NRXN1: variants seen among roughly 807,000 people sequenced by gnomAD.
The protein encoded by NRXN1 is neurexin 1, also known as neurexin-1.
A neutral mutation model predicts 150.9 loss-of-function variants in NRXN1; 39 were observed. The observed-to-expected ratio is 0.26, with a 90% CI of 0.20 to 0.34. The LOEUF (loss-of-function observed/expected upper bound fraction) is 0.34, where lower values mean the gene tolerates loss of function less well. NRXN1 is among the 10% of genes least tolerant of loss of function. The probability of loss-of-function intolerance (pLI) is 1.00; values close to 1 mark genes in which losing one functional copy is unlikely to be tolerated. For synonymous variants in NRXN1, 924 were observed against 757.0 expected (o/e 1.22, Z -3.62); for missense variants, 1,815 against 1,949.9 (o/e 0.93, Z 1.30).
chr2:50,569,119 A>G lies in NRXN1; in HGVS notation c.1321-16094T>C, dbSNP rs370705427. 6.0e-4 allele frequency among the ~76,000 whole-genome samples: 92 copies of G among 152,178 alleles called. 1 individual carries two copies. The highest frequency in any genetic ancestry group is 2.1e-3 in the African/African-American group (88 of 41,528). Reference sequence around the variant, plus strand: ...AACAATTGAATTCATAGAGACTAAAAGGATGGATACCGGGGCCTGGGAAGG... The same window carrying G: ...AACAATTGAATTCATAGAGACTAAAGGGATGGATACCGGGGCCTGGGAAGG... On this transcript the variant is annotated intron_variant, in intron 8 of 22. Coordinates refer to ENST00000401669, the MANE Select transcript of NRXN1 (RefSeq NM_001330078.2).
intron 17 of NRXN1, among the ~76,000 whole-genome samples, chr2:50,327,751 G>C (rs2076484910): frequency 1.3e-5 from 2 of 151,860 alleles, no homozygotes; most frequent in African/African-American, 4.8e-5. Flanking sequence ...CCACGTTCAA[G>C]GGATTCTCCT....
intron 5 of NRXN1, among the ~76,000 whole-genome samples, chr2:50,717,211 T>C (rs923612402): frequency 6.6e-6 from 1 of 152,212 alleles, no homozygotes; most frequent in Non-Finnish European, 1.5e-5. Flanking sequence ...GTTTTAAATA[T>C]TATTGGATTA....
At chr2:49,992,010 G>A (rs914347702) in intron 21 of NRXN1, among the ~76,000 whole-genome samples, 9 of 152,060 alleles carry the variant, frequency 5.9e-5, no homozygotes, top group African/African-American at 2.2e-4. Flanking sequence ...TCAACAAACG[G>A]TGCTAGAACA....
intron 17 of NRXN1, among the ~76,000 whole-genome samples, chr2:50,338,577 A>T (rs897818480): frequency 6.6e-6 from 1 of 152,164 alleles, no homozygotes; most frequent in African/African-American, 2.4e-5. Flanking sequence ...AATGATATAG[A>T]TGCATAGATA....
At chr2:50,738,951 A>C (rs531117615) in intron 5 of NRXN1, among the ~76,000 whole-genome samples, 55 of 152,232 alleles carry the variant, frequency 3.6e-4, no homozygotes, top group African/African-American at 1.1e-3. Flanking sequence ...ATACATCACT[A>C]AGTGTCTCTA....
intron 21 of NRXN1, chr2:49,970,435 C>G (rs116280417): frequency 1.3e-5 from 2 of 152,028 alleles, no homozygotes; most frequent in African/African-American, 4.8e-5. Context: ...TCAGTTTGAA[C>G]TCATATTGTC....
chr2:50,086,205 C>T (rs1031777520), intron 19 of NRXN1, among the ~76,000 whole-genome samples: 1 of 152,126 alleles, frequency 6.6e-6, no homozygotes, highest in Admixed American at 6.5e-5. Context: ...ACCAACACTT[C>T]AGTACCAACC....
At chr2:50,642,989 C>T (rs932860386) in intron 5 of NRXN1, among the ~76,000 whole-genome samples, 3 of 151,822 alleles carry the variant, frequency 2.0e-5, no homozygotes, top group Admixed American at 1.3e-4. Context: ...TTGCAGTAAA[C>T]ATAATCTTAA....
intron 18 of NRXN1, among the ~76,000 whole-genome samples, chr2:50,228,124 C>T (rs913548330): frequency 1.3e-5 from 2 of 151,910 alleles, no homozygotes; most frequent in African/African-American, 2.4e-5. Context: ...GTAAAACACA[C>T]ATTGGATTTG....
chr2:50,187,699 G>A (rs559243158), intron 18 of NRXN1, among the ~76,000 whole-genome samples: 5 of 152,044 alleles, frequency 3.3e-5, no homozygotes, highest in Admixed American at 2.0e-4. Context: ...GGCCATTTTC[G>A]CAATATTGAT....
intron 5 of NRXN1, among the ~76,000 whole-genome samples, chr2:50,744,726 T>C (rs1189481443): frequency 6.6e-6 from 1 of 152,116 alleles, no homozygotes; most frequent in Non-Finnish European, 1.5e-5. Context: ...GAGCTTTAGA[T>C]TGTGAATATG....
At chr2:50,945,727 A>C (rs1171010931) in intron 2 of NRXN1, among the ~76,000 whole-genome samples, 1 of 151,562 alleles carries the variant, frequency 6.6e-6, no homozygotes, top group African/African-American at 2.4e-5. Context: ...ACTGAAATAT[A>C]AACCTGATGT....
At chr2:50,800,866 T>C (rs17503425) in intron 5 of NRXN1, among the ~76,000 whole-genome samples, 15,399 of 152,142 alleles carry the variant, frequency 0.1, 865 homozygotes, top group Admixed American at 0.14. Context: ...GGGATTTTAA[T>C]AGCACTTGTT....
chr2:50,356,891 T>C (rs1028948792), intron 17 of NRXN1, among the ~76,000 whole-genome samples: 2 of 152,196 alleles, frequency 1.3e-5, no homozygotes, highest in African/African-American at 4.8e-5. Flanking sequence ...CAGATTGCTT[T>C]AGGCACCTAA....
At chr2:49,992,516 G>A (rs971479691) in intron 21 of NRXN1, among the ~76,000 whole-genome samples, 13 of 152,058 alleles carry the variant, frequency 8.5e-5, no homozygotes, top group African/African-American at 3.1e-4. Context: ...GGAGGCGGAG[G>A]TTGCAGTGAG....
intron 16 of NRXN1, among the ~76,000 whole-genome samples, chr2:50,470,161 G>A (rs2089320547): frequency 6.6e-6 from 1 of 151,592 alleles, no homozygotes; most frequent in Admixed American, 6.6e-5. Flanking sequence ...TTCCATAAGG[G>A]ATTGTAATAC....
At chr2:51,019,472 C>A (rs1314743881) in intron 2 of NRXN1, among the ~76,000 whole-genome samples, 1 of 152,016 alleles carries the variant, frequency 6.6e-6, no homozygotes, top group Non-Finnish European at 1.5e-5. Flanking sequence ...TATGACCTTA[C>A]CTTTAAGGAG....
At chr2:50,730,006 T>C (rs926990905) in intron 5 of NRXN1, among the ~76,000 whole-genome samples, 1 of 152,204 alleles carries the variant, frequency 6.6e-6, no homozygotes, top group Non-Finnish European at 1.5e-5. Context: ...TAGTTCTCTT[T>C]ACCTTTGTCA....
chr2:50,956,785 G>C (rs1443887789), intron 2 of NRXN1, among the ~76,000 whole-genome samples: 1 of 151,870 alleles, frequency 6.6e-6, no homozygotes, highest in Non-Finnish European at 1.5e-5. Context: ...CATTTATAGA[G>C]CTTAATCATT....
Sources: gnomAD v4.1 joint callset for allele counts (sites outside exome capture counted in the v4.1 genomes callset) on GRCh38, gnomAD v4.1.1 for gene constraint, MANE v1.5 for transcripts, NCBI Gene and HGNC (gene_info 2026-07-23, HGNC 2026-07-21) for gene names.